The following PIGF variants were observed in gnomAD, a reference collection of about 807,000 sequenced individuals.
PIGF encodes the protein GPI ethanolamine phosphate transferase, stabilizing subunit.
PIGF carries 23 observed loss-of-function variants against 26.0 expected under a neutral mutation model. The observed-to-expected ratio is 0.88, with a 90% CI of 0.64 to 1.25. The LOEUF (loss-of-function observed/expected upper bound fraction) is 1.25, where lower values mean the gene tolerates loss of function less well. Ranked by LOEUF, PIGF falls within the 50% of genes most tolerant of loss-of-function variation. The pLI is 0.00. For synonymous variants in PIGF, 93 were observed against 92.6 expected (o/e 1.00, Z -0.03); for missense variants, 278 against 249.9 (o/e 1.11, Z -0.76).
chr2:46,608,647 G>A (rs967824295), intron 4 of PIGF, among the ~76,000 whole-genome samples: 3 of 152,094 alleles, frequency 2.0e-5, no homozygotes, highest in African/African-American at 7.2e-5. Context: ...ATTACTCCTT[G>A]ATCCGTGGGC....
At chr2:46,603,955 C>A (rs1670138490) in intron 4 of PIGF, among the ~76,000 whole-genome samples, 1 of 151,898 alleles carries the variant, frequency 6.6e-6, no homozygotes, top group Non-Finnish European at 1.5e-5. Context: ...TCCAATCTAT[C>A]TATCTAACAA....
intron 4 of PIGF, among the ~76,000 whole-genome samples, chr2:46,605,563 C>G (rs1193763411): frequency 6.6e-6 from 1 of 152,104 alleles, no homozygotes; most frequent in African/African-American, 2.4e-5. Context: ...TCACTCAGTT[C>G]TGACACAGCC....
Position 46,596,251 on chromosome 2 carries a change from A to G in PIGF, c.438-3668T>C, listed in dbSNP as rs531215246. ...AAAAGATTGATGTATGTATCTTTCT[A>G]ACCTCTAAGTTCTAAGTTCCTTGGG... On this transcript the variant is annotated intron_variant, in intron 4 of 5. Transcript: ENST00000281382. Among the ~76,000 whole-genome samples, 64 of 151,552 alleles carry G rather than the reference A, an allele frequency of 4.2e-4. 1 individual carries two copies. The highest frequency in any genetic ancestry group is 7.5e-4 in the Non-Finnish European group (51 of 67,840).
At chr2:46,611,051 T>A (rs1217478514) in intron 4 of PIGF, among the ~76,000 whole-genome samples, 1 of 152,230 alleles carries the variant, frequency 6.6e-6, no homozygotes, top group East Asian at 1.9e-4. Context: ...CCATCATAGA[T>A]CATTCCCATC....
rs529345526 is a variant in PIGF at position 46,591,911 on chromosome 2, C to G, written c.546+564G>C. 1,339 of 1,303,890 alleles carry G rather than the reference C, an allele frequency of 1.0e-3. 2 individuals are homozygous for G. The highest frequency in any genetic ancestry group is 1.2e-3 in the Non-Finnish European group (1,219 of 988,820). 80.8% of individuals were successfully genotyped at this position (1,303,890 alleles called of 1,614,324 possible). A position where few individuals can be genotyped will look rare whatever the true frequency, so the allele number is the denominator to read the frequency against. ...ACACAGGCCGCTGCTGCAAAAATTA[C>G]CTTGCTATCTGCTTCTAAAAATTTC... On this transcript the variant is annotated intron_variant, in intron 5 of 5. Coordinates refer to ENST00000281382, the MANE Select transcript of PIGF (RefSeq NM_002643.4).
intron 4 of PIGF, among the ~76,000 whole-genome samples, chr2:46,594,503 G>A (rs1350574253): frequency 6.6e-6 from 1 of 151,494 alleles, no homozygotes; most frequent in Non-Finnish European, 1.5e-5. Context: ...GGAAGAACGA[G>A]AAATAAGGCT....
At chr2:46,599,281 A>G (rs1026941103) in intron 4 of PIGF, among the ~76,000 whole-genome samples, 12 of 152,268 alleles carry the variant, frequency 7.9e-5, no homozygotes, top group African/African-American at 2.9e-4. Context: ...ACATTGTTCT[A>G]CAACTCCAAT....
intron 5 of PIGF, among the ~76,000 whole-genome samples, chr2:46,591,057 C>T (rs1330547377): frequency 3.3e-5 from 5 of 151,826 alleles, no homozygotes; most frequent in African/African-American, 9.7e-5. Flanking sequence ...AGGACTCTAC[C>T]CTACAGAGAA....
At chr2:46,592,386 C>T (rs1669748283) in intron 5 of PIGF, 89 bp downstream of exon 5, 1 of 722,350 alleles carries the variant, frequency 1.4e-6, no homozygotes, top group Non-Finnish European at 2.5e-6. Flanking sequence ...AACAACAAAA[C>T]AATTTACATA....
intron 4 of PIGF, among the ~76,000 whole-genome samples, chr2:46,606,405 TAA>T (rs767998242): frequency 1.7e-4 from 26 of 152,294 alleles, no homozygotes; most frequent in Non-Finnish European, 3.5e-4. Context: ...TATCGGTAAA[TAA>T]AGAGTTTTGT....
Position 46,580,993 on chromosome 2 carries a change from T to C in PIGF, c.*485A>G, listed in dbSNP as rs765427531. On this transcript the variant is annotated 3_prime_UTR_variant, in exon 6 of 6. Transcript: ENST00000281382. ...AGAAGGGATTGAAGACTGTTTTTGA[T>C]GAGGCTATCATAGCCATTTTAACTC... 10 of 1,587,914 alleles carry C rather than the reference T, an allele frequency of 6.3e-6. No individual in the cohort carries two copies. The South Asian group carries it at 1.0e-4, about 16-fold the overall frequency.
intron 5 of PIGF, among the ~76,000 whole-genome samples, chr2:46,583,412 C>G (rs2104054874): frequency 6.6e-6 from 1 of 152,180 alleles, no homozygotes; most frequent in South Asian, 2.1e-4. Context: ...GTTACCTTTT[C>G]AGCTTCACAT....
At chr2:46,585,397 T>G (rs1158365135) in intron 5 of PIGF, among the ~76,000 whole-genome samples, 1 of 152,156 alleles carries the variant, frequency 6.6e-6, no homozygotes, top group Non-Finnish European at 1.5e-5. Context: ...GGTAAAATTA[T>G]TAAAATTACC....
intron 5 of PIGF, among the ~76,000 whole-genome samples, chr2:46,583,571 T>C (rs1282775246): frequency 1.3e-5 from 2 of 152,182 alleles, no homozygotes; most frequent in Non-Finnish European, 2.9e-5. Flanking sequence ...TTAATTGCTT[T>C]GGTTCTTTAG....
Position 46,589,513 on chromosome 2 carries a change from T to C in PIGF, c.546+2962A>G, listed in dbSNP as rs7577966. 0.055 allele frequency among the ~76,000 whole-genome samples: 8,332 copies of C among 151,938 alleles called. 381 individuals are homozygous for C. Among genetic ancestry groups the C allele is most frequent in the African/African-American group, 0.13 (5,389 of 41,434 alleles). ...GGGGTTTTGTGTGTGTGTGTGCATG[T>C]GTGTGTTTTTAAAGGTACAATTGCT... On this transcript the variant is annotated intron_variant, in intron 5 of 5. Transcript: ENST00000281382. The surrounding 1 kb of genome is among the most constrained non-coding windows in gnomAD (Gnocchi z 4.7).
intron 4 of PIGF, among the ~76,000 whole-genome samples, chr2:46,602,087 A>T (rs777172942): frequency 6.6e-6 from 1 of 151,990 alleles, no homozygotes; most frequent in Admixed American, 6.6e-5. Context: ...AAATTAGTAC[A>T]AACTGAGTAT....
intron 4 of PIGF, among the ~76,000 whole-genome samples, chr2:46,610,828 C>T (rs1041712780): frequency 6.6e-6 from 1 of 152,172 alleles, no homozygotes; most frequent in Non-Finnish European, 1.5e-5. Context: ...CCACACTCGT[C>T]CCAAACAGTA....
At chr2:46,595,093 G>C (rs1261219957) in intron 4 of PIGF, among the ~76,000 whole-genome samples, 1 of 151,998 alleles carries the variant, frequency 6.6e-6, no homozygotes, top group Admixed American at 6.6e-5. Context: ...GCTTTATTGA[G>C]TAGAGTCAAA....
chr2:46,612,719 C>T (rs571778856), intron 3 of PIGF, among the ~76,000 whole-genome samples: 1 of 152,188 alleles, frequency 6.6e-6, no homozygotes. Context: ...CACTATTGAA[C>T]CACTATTGAA....
Sources: allele counts gnomAD v4.1 joint callset (sites outside exome capture counted in the v4.1 genomes callset), GRCh38; gene constraint gnomAD v4.1.1; non-coding constraint Gnocchi (gnomAD v3.1); transcripts MANE v1.5; gene names NCBI Gene and HGNC (gene_info 2026-07-23, HGNC 2026-07-21).